Variants in ZBTB21 observed in about 807,000 individuals in gnomAD.
ZBTB21 encodes zinc finger and BTB domain containing 21, also known as zinc finger and BTB domain-containing protein 21.
A neutral mutation model predicts 39.8 loss-of-function variants in ZBTB21; 10 were observed. The ratio of observed to expected loss-of-function variants is 0.25; its 90% CI spans 0.16 to 0.43. The LOEUF (loss-of-function observed/expected upper bound fraction) is 0.43, where lower values mean the gene tolerates loss of function less well. ZBTB21 is among the 20% of genes least tolerant of loss of function. The probability of loss-of-function intolerance (pLI) is 1.00; values close to 1 mark genes in which losing one functional copy is unlikely to be tolerated. For synonymous variants in ZBTB21, 551 were observed against 498.8 expected (o/e 1.10, Z -1.40); for missense variants, 1,221 against 1,296.3 (o/e 0.94, Z 0.89).
At chr21:42,008,291 G>T (rs2065904783) in intron 1 of ZBTB21, among the ~76,000 whole-genome samples, 1 of 134,208 alleles carries the variant, frequency 7.5e-6, no homozygotes, top group Non-Finnish European at 1.5e-5. Flanking sequence ...GGATCACGAG[G>T]TCAGGAGATC....
In ZBTB21 at chr21:41,991,754, A is replaced by T. The variant is rs1192434800; in HGVS notation, c.2342T>A (p.Met781Lys). 6.2e-7 allele frequency: 1 copy of T among 1,614,208 alleles called. No homozygotes were observed. Among genetic ancestry groups the T allele is most frequent in the Admixed American group, 1.7e-5 (1 of 60,030 alleles). The change falls in exon 3 of 3, where the codon ATG becomes AAG. Residue 781 changes from methionine to lysine, a missense_variant. Met to Lys is a moderately conservative substitution (Grantham distance 95). This residue lies in a region of ZBTB21 where 523 missense variants were observed against 542.5 expected (regional missense o/e 0.96). Transcript: ENST00000310826. This position sits in a 1 kb window ranked among gnomAD's most constrained non-coding sequence, Gnocchi z 4.9. ...EYKKLTCLEC[M>K]RTFKSSFSIW... Reference sequence around the variant, plus strand: ...GCTGAAAGAGGACTTGAAGGTGCGCATGCACTCGAGGCAGGTCAGCTTCTT... The same window carrying T: ...GCTGAAAGAGGACTTGAAGGTGCGCTTGCACTCGAGGCAGGTCAGCTTCTT...
intron 1 of ZBTB21, among the ~76,000 whole-genome samples, chr21:42,007,515 T>C (rs145937794): frequency 6.6e-6 from 1 of 152,218 alleles, no homozygotes; most frequent in South Asian, 2.1e-4. Flanking sequence ...TCCCTCTCCT[T>C]TACTTGGCTA....
Position 41,987,564 on chromosome 21 carries a change from ACT to A in ZBTB21, c.*3329_*3330del, listed in dbSNP as rs1348790032. Reference sequence around the variant, plus strand: ...ATTTCACAATTATTGCAGAAACATCACTGAGACATCGTAAATTGTCAAACTGA... The same window carrying A: ...ATTTCACAATTATTGCAGAAACATCAGAGACATCGTAAATTGTCAAACTGA... On this transcript the variant is annotated 3_prime_UTR_variant, in exon 3 of 3. Transcript: ENST00000310826. 2 of 152,218 alleles carry A rather than the reference ACT, an allele frequency of 1.3e-5. No individual in the cohort carries two copies. The highest frequency in any genetic ancestry group is 4.8e-5 in the African/African-American group (2 of 41,440). The allele number at this position is 152,218 out of a possible 1,614,324, so 9.4% of individuals were successfully genotyped here.
chr21:41,992,111 A>G lies in ZBTB21; in HGVS notation c.1985T>C (p.Leu662Ser), dbSNP rs1470842185. 1 of 1,613,908 alleles carries G rather than the reference A, an allele frequency of 6.2e-7. No homozygotes were observed. Among genetic ancestry groups the G allele is most frequent in the East Asian group, 2.2e-5 (1 of 44,894 alleles). The change falls in exon 3 of 3, where the codon TTG becomes TCG. Residue 662 changes from leucine (L) to serine (S), a missense_variant. This residue lies in a region of ZBTB21 where 523 missense variants were observed against 542.5 expected (regional missense o/e 0.96). Coordinates refer to ENST00000310826, the MANE Select transcript of ZBTB21 (RefSeq NM_001098402.2). This position sits in a 1 kb window ranked among gnomAD's most constrained non-coding sequence, Gnocchi z 4.1. The part of the protein sequence containing the change: ...SQAQQVIKRN[L>S]RSRAKGAYIC... ...GTAAGCTCCTTTGGCTCGAGATCTCAAGTTCCTCTTGATGACTTGCTGTGC... is the reference window on the plus strand; with the variant it reads ...GTAAGCTCCTTTGGCTCGAGATCTCGAGTTCCTCTTGATGACTTGCTGTGC...
chr21:41,997,816 A>G (rs2065768690), intron 2 of ZBTB21, among the ~76,000 whole-genome samples: 1 of 152,148 alleles, frequency 6.6e-6, no homozygotes. Flanking sequence ...GAGGAGGCCT[A>G]GTGGTAGAGT....
At chr21:41,996,677 G>T (rs1039580240) in intron 2 of ZBTB21, among the ~76,000 whole-genome samples, 1 of 152,202 alleles carries the variant, frequency 6.6e-6, no homozygotes, top group African/African-American at 2.4e-5. Flanking sequence ...TTTGAAATGT[G>T]AAGACATGAG....
Position 41,992,467 on chromosome 21 carries a change from G to A in ZBTB21, c.1629C>T (p.Asn543=), listed in dbSNP as rs1379858081. ...EFGELEGTRP[N]KKFKCKHCLK... ...GGCAATGTTTGCATTTAAATTTTTT[G>A]TTTGGTCTCGTCCCCTCCAACTCAC... The change falls in exon 3 of 3, where the codon AAC becomes AAT. Residue 543 remains asparagine, a synonymous_variant. Transcript: ENST00000310826. The surrounding 1 kb of genome is among the most constrained non-coding windows in gnomAD (Gnocchi z 4.1). 1 of 1,613,868 alleles carries A rather than the reference G, an allele frequency of 6.2e-7. No individual in the cohort carries two copies. The highest frequency in any genetic ancestry group is 8.5e-7 in the Non-Finnish European group (1 of 1,179,948).
At chr21:41,994,235 G>A (rs1017153480) in intron 2 of ZBTB21, 127 bp from the exon 3 acceptor site, 2 of 708,122 alleles carry the variant, frequency 2.8e-6, no homozygotes, top group East Asian at 2.8e-5. Context: ...GCTAACAGAA[G>A]CTCTATGAAT....
At position 41,987,850 on chromosome 21, in the gene ZBTB21, A is replaced by G. The variant is rs552077982; in HGVS notation, c.*3045T>C. 1 of 152,290 alleles carries G rather than the reference A, an allele frequency of 6.6e-6. No homozygotes were observed. Among genetic ancestry groups the G allele is most frequent in the Admixed American group, 6.5e-5 (1 of 15,300 alleles). 9.4% of individuals were successfully genotyped at this position (152,290 alleles called of 1,614,324 possible). A position where few individuals can be genotyped will look rare whatever the true frequency, so the allele number is the denominator to read the frequency against. ...ATCCACACCGCACCTCCGTGAACAGACACATTTTATTCCTGTTTCACAGCA... is the reference window on the plus strand; with the variant it reads ...ATCCACACCGCACCTCCGTGAACAGGCACATTTTATTCCTGTTTCACAGCA... On this transcript the variant is annotated 3_prime_UTR_variant, in exon 3 of 3. Coordinates refer to ENST00000310826, the MANE Select transcript of ZBTB21 (RefSeq NM_001098402.2).
In ZBTB21 at chr21:41,991,523, G is replaced by A. The variant is rs200682570; in HGVS notation, c.2573C>T (p.Ser858Leu). The A allele has an allele frequency of 8.1e-6, 13 of 1,614,038 alleles. No individual in the cohort carries two copies. Among genetic ancestry groups the A allele is most frequent in the African/African-American group, 4.0e-5 (3 of 74,906 alleles). The change falls in exon 3 of 3, where the codon TCG (serine) becomes TTG (leucine). Residue 858 changes from serine (S) to leucine (L), a missense_variant. By Grantham distance (145) the Ser-to-Leu change is moderately radical. Around this residue, in one of 4 missense-constraint regions of ZBTB21, gnomAD observed 523 missense variants for 542.5 expected, o/e 0.96. Transcript: ENST00000310826. The surrounding 1 kb of genome is among the most constrained non-coding windows in gnomAD (Gnocchi z 4.9). ...SDSSEQVNFD[S>L]EDSSCLPEDL... is the part of the protein sequence containing the mutation. The stretch of plus-strand genomic sequence containing the variant: ...TTCGGGAAGACAAGAGGAATCTTCC[G>A]AGTCGAAGTTAACTTGTTCTGAAGA...
At chr21:42,009,934 C>A (rs1401820136) in intron 1 of ZBTB21, among the ~76,000 whole-genome samples, 7 of 152,220 alleles carry the variant, frequency 4.6e-5, no homozygotes, top group Admixed American at 2.0e-4. Flanking sequence ...ACCCCAGGGG[C>A]AGCTCGGCCA....
At position 41,990,937 on chromosome 21, in the gene ZBTB21, C is replaced by T; in HGVS notation, c.3159G>A (p.Lys1053=). The change falls in exon 3 of 3, where the codon AAG becomes AAA. Residue 1053 remains lysine, a synonymous_variant. Transcript: ENST00000310826. ...CGTGACTCCAAAGACTAAATGCAGT[C>T]TTGAATGTCCTGTGGCAAAGTTTAC... ...FMCKLCHRTF[K]TAFSLWSHEQ... 6.6e-7 allele frequency: 1 copy of T among 1,509,240 alleles called. No individual in the cohort carries two copies. The highest frequency in any genetic ancestry group is 1.4e-5 in the South Asian group (1 of 73,682). 93.5% of individuals were successfully genotyped at this position (1,509,240 alleles called of 1,614,324 possible). A position where few individuals can be genotyped will look rare whatever the true frequency, so the allele number is the denominator to read the frequency against.
chr21:42,001,351 T>C (rs1312488891), intron 2 of ZBTB21, among the ~76,000 whole-genome samples: 1 of 152,268 alleles, frequency 6.6e-6, no homozygotes, highest in Admixed American at 6.5e-5. Flanking sequence ...CAGACAATTA[T>C]AGACTTATGG....
In ZBTB21 at chr21:41,991,622, C is replaced by T; in HGVS notation, c.2474G>A (p.Arg825Lys). ...DHNGDVTGSSRPQSQPEPNKV... is the reference protein window; with the variant it reads ...DHNGDVTGSSKPQSQPEPNKV... ...GTTGGGCTCAGGCTGGGATTGGGGCCTTGAAGAACCAGTCACATCACCATT... is the reference window on the plus strand; with the variant it reads ...GTTGGGCTCAGGCTGGGATTGGGGCTTTGAAGAACCAGTCACATCACCATT... The change falls in exon 3 of 3, where the codon AGG becomes AAG. Residue 825 changes from arginine to lysine, a missense_variant. Physicochemically the swap from Arg to Lys is conservative, Grantham distance 26. Coordinates refer to ENST00000310826, the MANE Select transcript of ZBTB21 (RefSeq NM_001098402.2). This position sits in a 1 kb window ranked among gnomAD's most constrained non-coding sequence, Gnocchi z 4.9. The T allele has an allele frequency of 6.2e-7, 1 of 1,614,020 alleles. No individual in the cohort carries two copies. The highest frequency in any genetic ancestry group is 8.5e-7 in the Non-Finnish European group (1 of 1,180,020).
chr21:41,997,637 G>C (rs1260126929), intron 2 of ZBTB21, among the ~76,000 whole-genome samples: 2 of 151,512 alleles, frequency 1.3e-5, no homozygotes, highest in African/African-American at 4.9e-5. Context: ...TGAAGAATAA[G>C]TTTGTTTTCT....
At chr21:42,009,313 C>CA (rs1034908602) in intron 1 of ZBTB21, 1 of 152,212 alleles carries the variant, frequency 6.6e-6, no homozygotes, top group Non-Finnish European at 1.5e-5. Context: ...TGCGAGCCCC[C>CA]AGCGGTGTGC....
chr21:41,991,256 C>T lies in ZBTB21; in HGVS notation c.2840G>A (p.Arg947His), dbSNP rs777737264. The change falls in exon 3 of 3, where the codon CGC (arginine) becomes CAC (histidine). Residue 947 changes from arginine (R) to histidine (H), a missense_variant. Transcript: ENST00000310826. The surrounding 1 kb of genome is among the most constrained non-coding windows in gnomAD (Gnocchi z 4.9). ...GTGACTCCAGAGTCGAAAATTAGTGCGAAAAGCTTTGTTGCACACGTGACA... is the reference window on the plus strand; with the variant it reads ...GTGACTCCAGAGTCGAAAATTAGTGTGAAAAGCTTTGTTGCACACGTGACA... ...FICHVCNKAF[R>H]TNFRLWSHFQ... 5 of 1,614,060 alleles carry T rather than the reference C, an allele frequency of 3.1e-6. No individual in the cohort carries two copies. Among genetic ancestry groups the T allele is most frequent in the Non-Finnish European group, 4.2e-6 (5 of 1,179,968 alleles).
chr21:41,993,971 C>T lies in ZBTB21; in HGVS notation c.125G>A (p.Arg42Gln), dbSNP rs768994052. ...GGCAGCCAAGACGTTTTTATGAGCT[C>T]GGAACTTTTGGTCTCCAACAATCAG... ...VLLIVGDQKF[R>Q]AHKNVLAASS... The change falls in exon 3 of 3, where the codon CGA becomes CAA. Residue 42 changes from arginine to glutamine, a missense_variant. Physicochemically the swap from Arg to Gln is conservative, Grantham distance 43 (BLOSUM62 1). Transcript: ENST00000310826. 45 of 1,614,072 alleles carry T rather than the reference C, an allele frequency of 2.8e-5. No individual in the cohort carries two copies. The highest frequency in any genetic ancestry group is 1.3e-4 in the South Asian group (12 of 91,072).
rs1370673536 is a variant in ZBTB21 at position 41,990,325 on chromosome 21, AC to A, written c.*569del. ...GATTTAAATTTCTCACAATTTTCAT[AC>A]AAAAAGAAGTTTTACATGACCACAA... On this transcript the variant is annotated 3_prime_UTR_variant, in exon 3 of 3. Coordinates refer to ENST00000310826, the MANE Select transcript of ZBTB21 (RefSeq NM_001098402.2). 1 of 152,676 alleles carries A rather than the reference AC, an allele frequency of 6.5e-6. No individual in the cohort carries two copies. The highest frequency in any genetic ancestry group is 2.4e-5 in the African/African-American group (1 of 41,458). The allele number at this position is 152,676 out of a possible 1,614,324, so 9.5% of individuals were successfully genotyped here. A position where few individuals can be genotyped will look rare whatever the true frequency, so the allele number is the denominator to read the frequency against.
Sources: gnomAD v4.1 joint callset for allele counts (sites outside exome capture counted in the v4.1 genomes callset) on GRCh38, gnomAD v4.1.1 for gene constraint, gnomAD v4.1.1 regional missense constraint, Gnocchi (gnomAD v3.1) non-coding constraint, MANE v1.5 for transcripts, NCBI Gene and HGNC (gene_info 2026-07-23, HGNC 2026-07-21) for gene names.